The following TSPAN18 variants were observed in gnomAD, a reference collection of about 807,000 sequenced individuals.
The protein encoded by TSPAN18 is tetraspanin 18, also known as tetraspanin-18.
Under a neutral mutation model 27.3 loss-of-function variants are expected in TSPAN18, and 14 were observed. The observed-to-expected ratio is 0.51, with a 90% CI of 0.34 to 0.80. The LOEUF is 0.80. Among genes scored for constraint, TSPAN18 ranks in the 30% least tolerant of loss-of-function variants. The pLI, the probability that TSPAN18 is intolerant of heterozygous loss-of-function variation, is 0.01. For synonymous variants in TSPAN18, 143 were observed against 136.5 expected (o/e 1.05, Z -0.33); for missense variants, 268 against 323.9 (o/e 0.83, Z 1.32).
intron 3 of TSPAN18, among the ~76,000 whole-genome samples, chr11:44,871,724 G>A (rs1858201065): frequency 6.6e-6 from 1 of 152,194 alleles, no homozygotes; most frequent in Non-Finnish European, 1.5e-5. Flanking sequence ...AATGTGCCCT[G>A]TTCCTTCATC....
intron 3 of TSPAN18, among the ~76,000 whole-genome samples, chr11:44,861,747 C>T (rs1468686842): frequency 6.7e-6 from 1 of 150,196 alleles, no homozygotes; most frequent in Non-Finnish European, 1.5e-5. Flanking sequence ...TGGCCTCTCT[C>T]TAAGTGCCTC....
intron 2 of TSPAN18, among the ~76,000 whole-genome samples, chr11:44,850,089 C>T (rs1333998513): frequency 6.6e-6 from 1 of 152,146 alleles, no homozygotes; most frequent in African/African-American, 2.4e-5. Flanking sequence ...GAGAAGAAGG[C>T]CATTGTTCTC....
At chr11:44,890,984 G>A (rs1033691492) in intron 3 of TSPAN18, among the ~76,000 whole-genome samples, 1 of 152,100 alleles carries the variant, frequency 6.6e-6, no homozygotes, top group African/African-American at 2.4e-5. Flanking sequence ...CAGTCTGGGT[G>A]TCATAGGGAG....
At chr11:44,786,724 T>C (rs1249857726) in intron 2 of TSPAN18, among the ~76,000 whole-genome samples, 1 of 148,806 alleles carries the variant, frequency 6.7e-6, no homozygotes, top group Admixed American at 6.8e-5. Flanking sequence ...CTCTGTCCCC[T>C]GGGTTCAAGC....
At chr11:44,908,782 A>AGAAGGAAGGAAG (rs1554938077) in intron 4 of TSPAN18, among the ~76,000 whole-genome samples, 1 of 115,480 alleles carries the variant, frequency 8.7e-6, no homozygotes, top group African/African-American at 3.8e-5. Context: ...AAAGAAAGAA[A>AGAAGGAAGGAAG]GAAAGAAAGA....
intron 2 of TSPAN18, among the ~76,000 whole-genome samples, chr11:44,839,349 A>G (rs1857323427): frequency 6.6e-6 from 1 of 152,194 alleles, no homozygotes; most frequent in Admixed American, 6.5e-5. Flanking sequence ...ACCATTTCTC[A>G]GACACTCCTG....
chr11:44,928,793 A>G (rs1367938808), intron 9 of TSPAN18, among the ~76,000 whole-genome samples: 1 of 78,848 alleles, frequency 1.3e-5, no homozygotes, highest in East Asian at 2.0e-4. Context: ...CTCAAAAAAG[A>G]AAAAAAAAAC....
At chr11:44,730,964 G>A (rs184311643) in intron 1 of TSPAN18, among the ~76,000 whole-genome samples, 5 of 152,326 alleles carry the variant, frequency 3.3e-5, no homozygotes, top group East Asian at 3.9e-4. Flanking sequence ...GTAAGATGGT[G>A]AGCCTGTGTT....
chr11:44,792,675 C>T (rs1856255889), intron 2 of TSPAN18, among the ~76,000 whole-genome samples: 2 of 152,174 alleles, frequency 1.3e-5, no homozygotes, highest in African/African-American at 2.4e-5. Context: ...TTCTGTGCCC[C>T]TCTGATCCTC....
intron 2 of TSPAN18, among the ~76,000 whole-genome samples, chr11:44,803,379 G>A (rs898631388): frequency 8.5e-5 from 13 of 152,156 alleles, no homozygotes; most frequent in South Asian, 2.1e-4. Flanking sequence ...TCCTCCCTTC[G>A]GGTGGGGATT....
intron 1 of TSPAN18, among the ~76,000 whole-genome samples, chr11:44,762,637 T>TGTG: frequency 6.7e-6 from 1 of 149,282 alleles, no homozygotes; most frequent in South Asian, 2.1e-4. Context: ...GTGTGTGTGT[T>TGTG]TGTGTGTGTG....
intron 2 of TSPAN18, chr11:44,859,528 C>G (rs1221537604): frequency 6.6e-6 from 1 of 152,232 alleles, no homozygotes; most frequent in African/African-American, 2.4e-5. Context: ...AGCTTGTGGC[C>G]AAGGTCCACC....
At chr11:44,910,937 G>A (rs941443241) in intron 5 of TSPAN18, among the ~76,000 whole-genome samples, 3 of 152,194 alleles carry the variant, frequency 2.0e-5, no homozygotes, top group Non-Finnish European at 4.4e-5. Context: ...CTTGTTAAAC[G>A]AGGGGGCCGA....
intron 3 of TSPAN18, among the ~76,000 whole-genome samples, chr11:44,874,317 C>T (rs1473674841): frequency 6.6e-6 from 1 of 152,182 alleles, no homozygotes; most frequent in Non-Finnish European, 1.5e-5. Flanking sequence ...GTGGAGGGCC[C>T]ATCTGGCCCC....
intron 2 of TSPAN18, among the ~76,000 whole-genome samples, chr11:44,805,406 G>A (rs1357424815): frequency 6.6e-6 from 1 of 152,218 alleles, no homozygotes; most frequent in Admixed American, 6.5e-5. Context: ...TTCTCTGGAT[G>A]CTGGTAAATC....
intron 4 of TSPAN18, among the ~76,000 whole-genome samples, chr11:44,907,002 G>A (rs911539845): frequency 6.6e-6 from 1 of 152,240 alleles, no homozygotes; most frequent in African/African-American, 2.4e-5. Context: ...CTGAACCTCA[G>A]TATCTTCATC....
chr11:44,885,557 C>T (rs993045975), intron 3 of TSPAN18, among the ~76,000 whole-genome samples: 1 of 152,104 alleles, frequency 6.6e-6, no homozygotes, highest in Admixed American at 6.5e-5. Context: ...CTGTCTCTTT[C>T]CAAGCCCAGC....
chr11:44,843,331 G>GT (rs975210756), intron 2 of TSPAN18, among the ~76,000 whole-genome samples: 46 of 152,254 alleles, frequency 3.0e-4, no homozygotes, highest in African/African-American at 1.1e-3. Flanking sequence ...AAACCAGCAA[G>GT]TTTTTATTAG....
intron 3 of TSPAN18, among the ~76,000 whole-genome samples, chr11:44,890,259 G>A (rs1338758387): frequency 6.6e-6 from 1 of 152,206 alleles, no homozygotes; most frequent in Non-Finnish European, 1.5e-5. Flanking sequence ...TAGAACTCAA[G>A]GGATTGGTGA....
Sources: gnomAD v4.1 joint callset for allele counts (sites outside exome capture counted in the v4.1 genomes callset) on GRCh38, gnomAD v4.1.1 for gene constraint, MANE v1.5 for transcripts, NCBI Gene and HGNC (gene_info 2026-07-23, HGNC 2026-07-21) for gene names.